Variants in HECW1 observed in about 807,000 individuals in gnomAD.
HECW1 encodes the protein E3 ubiquitin-protein ligase HECW1.
Under a neutral mutation model 182.3 loss-of-function variants are expected in HECW1, and 61 were observed. The observed-to-expected ratio is 0.33, with a 90% CI of 0.27 to 0.41. The LOEUF (loss-of-function observed/expected upper bound fraction) is 0.41, where lower values mean the gene tolerates loss of function less well. HECW1 is among the 10% of genes least tolerant of loss of function. The probability of loss-of-function intolerance (pLI) is 1.00; values close to 1 mark genes in which losing one functional copy is unlikely to be tolerated. For synonymous variants in HECW1, 859 were observed against 832.6 expected (o/e 1.03, Z -0.55); for missense variants, 1,739 against 2,108.9 (o/e 0.82, Z 3.44).
intron 11 of HECW1, among the ~76,000 whole-genome samples, chr7:43,448,135 C>CA (rs1245367583): frequency 1.4e-5 from 2 of 148,104 alleles, no homozygotes; most frequent in Non-Finnish European, 3.0e-5. Flanking sequence ...AACTCTGTCT[C>CA]AAAAAAAAAG....
intron 24 of HECW1, among the ~76,000 whole-genome samples, chr7:43,536,314 C>T (rs1188156043): frequency 6.6e-6 from 1 of 152,212 alleles, no homozygotes; most frequent in African/African-American, 2.4e-5. Context: ...GTCAGAATCT[C>T]CTGGGAGGTT....
At chr7:43,264,146 T>C (rs547363453) in intron 3 of HECW1, among the ~76,000 whole-genome samples, 31 of 152,238 alleles carry the variant, frequency 2.0e-4, no homozygotes, top group Admixed American at 5.2e-4. Flanking sequence ...CAACACCTTA[T>C]TATTAACTAC....
intron 17 of HECW1, among the ~76,000 whole-genome samples, chr7:43,490,808 A>T (rs753690026): frequency 1.8e-4 from 28 of 152,192 alleles, no homozygotes; most frequent in Admixed American, 3.3e-4. Flanking sequence ...CCCAGGCTGG[A>T]GTGCAATGGT....
At chr7:43,274,406 T>G (rs776048799) in intron 3 of HECW1, 33 of 637,604 alleles carry the variant, frequency 5.2e-5, no homozygotes, top group Non-Finnish European at 9.4e-5. Context: ...GTCTGGCTGC[T>G]CTATGACTCC....
intron 3 of HECW1, among the ~76,000 whole-genome samples, chr7:43,265,013 T>A (rs1801622915): frequency 6.6e-6 from 1 of 152,256 alleles, no homozygotes; most frequent in East Asian, 1.9e-4. Flanking sequence ...CAAAAGTATA[T>A]TTTCATATAG....
chr7:43,237,831 T>TCCCCCCCC (rs1554321756), intron 2 of HECW1, among the ~76,000 whole-genome samples: 1 of 139,708 alleles, frequency 7.2e-6, no homozygotes, highest in Admixed American at 6.8e-5. Context: ...TCACCAGTCT[T>TCCCCCCCC]TCCCCCCCGC....
At position 43,166,981 on chromosome 7, in the gene HECW1, C is replaced by T. The variant is rs74328229; in HGVS notation, c.-32+52590C>T. Among the ~76,000 whole-genome samples, 571 of 152,332 alleles carry T rather than the reference C, an allele frequency of 3.7e-3. 15 individuals are homozygous for T. The East Asian group carries it at 0.073, about 20-fold the overall frequency. ...CAGGCTGTAGGCAGCCACTGAATGA[C>T]GCAAGGCAGGCAAGAGGCATGACCA... On this transcript the variant is annotated intron_variant, in intron 2 of 29. Coordinates refer to ENST00000395891, the MANE Select transcript of HECW1 (RefSeq NM_015052.5).
intron 3 of HECW1, 56 bp from the exon 4 acceptor site, chr7:43,311,707 G>T (rs982708956): frequency 2.0e-5 from 30 of 1,518,320 alleles, no homozygotes; most frequent in African/African-American, 2.7e-5. Flanking sequence ...GTGTGATGAC[G>T]GTGACTGAGT....
At chr7:43,525,002 C>T (rs2080700469) in intron 24 of HECW1, among the ~76,000 whole-genome samples, 4 of 152,190 alleles carry the variant, frequency 2.6e-5, no homozygotes, top group African/African-American at 9.7e-5. Flanking sequence ...TATCTTATTT[C>T]AGCATCCTAA....
At chr7:43,329,159 G>A (rs957337773) in intron 5 of HECW1, among the ~76,000 whole-genome samples, 1 of 152,142 alleles carries the variant, frequency 6.6e-6, no homozygotes, top group Admixed American at 6.5e-5. Flanking sequence ...GGGAAGGAAG[G>A]TCTGGGCTCA....
chr7:43,200,405 A>G lies in HECW1; in HGVS notation c.-31-43470A>G, dbSNP rs147149334. ...AATTTTGGCTCATGCATGTCACTCA[A>G]TTAGTCAAATGATCACCTTTTAACA... is the stretch of plus-strand genomic sequence containing the variant. On this transcript the variant is annotated intron_variant, in intron 2 of 29. Coordinates refer to ENST00000395891, the MANE Select transcript of HECW1 (RefSeq NM_015052.5). Among the ~76,000 whole-genome samples, 140 of 152,340 alleles carry G rather than the reference A, an allele frequency of 9.2e-4. 1 individual carries two copies. Among genetic ancestry groups the G allele is most frequent in the African/African-American group, 3.1e-3 (130 of 41,582 alleles).
Position 43,304,185 on chromosome 7 carries a change from G to A in HECW1, c.28-7578G>A, listed in dbSNP as rs141533881. Among the ~76,000 whole-genome samples, 367 of 152,196 alleles carry A rather than the reference G, an allele frequency of 2.4e-3. 5 individuals are homozygous for A. The highest frequency in any genetic ancestry group is 0.012 in the South Asian group (59 of 4,816). ...AGGGCCCAGCAGCAAGTAGAGCTCT[G>A]GATAAAGCTGCCCTGGCCTGTCTCC... On this transcript the variant is annotated intron_variant, in intron 3 of 29. Transcript: ENST00000395891.
chr7:43,439,107 T>G (rs142679130), intron 9 of HECW1: 1 of 152,200 alleles, frequency 6.6e-6, no homozygotes, highest in Non-Finnish European at 1.5e-5. Context: ...CATGCAGTGT[T>G]TGCACTTGCC....
At chr7:43,437,160 T>A (rs890895196) in intron 8 of HECW1, among the ~76,000 whole-genome samples, 1 of 152,236 alleles carries the variant, frequency 6.6e-6, no homozygotes, top group Non-Finnish European at 1.5e-5. Flanking sequence ...CAGTTCAAAG[T>A]ACAAATGAAA....
chr7:43,298,027 G>A (rs1190570222), intron 3 of HECW1, among the ~76,000 whole-genome samples: 1 of 152,176 alleles, frequency 6.6e-6, no homozygotes, highest in Non-Finnish European at 1.5e-5. Flanking sequence ...GAGCTTTAGT[G>A]GCACCACTGA....
chr7:43,264,672 G>A (rs1311555832), intron 3 of HECW1, among the ~76,000 whole-genome samples: 2 of 151,776 alleles, frequency 1.3e-5, no homozygotes, highest in African/African-American at 2.4e-5. Context: ...AGTGAACCCC[G>A]TCTCTACTAA....
At chr7:43,405,361 G>A (rs62458244) in intron 7 of HECW1, among the ~76,000 whole-genome samples, 27,148 of 151,998 alleles carry the variant, frequency 0.18, 2,938 homozygotes, top group African/African-American at 0.29. Flanking sequence ...AGATATACTC[G>A]TGGTATGACT....
intron 16 of HECW1, among the ~76,000 whole-genome samples, chr7:43,470,197 C>T (rs1171826787): frequency 6.6e-6 from 1 of 152,094 alleles, no homozygotes; most frequent in South Asian, 2.1e-4. Flanking sequence ...GGGAGAGTGA[C>T]AATGATTTGT....
At chr7:43,265,041 CA>C (rs1465522000) in intron 3 of HECW1, among the ~76,000 whole-genome samples, 1 of 152,000 alleles carries the variant, frequency 6.6e-6, no homozygotes, top group Non-Finnish European at 1.5e-5. Flanking sequence ...ATTAGGAAAA[CA>C]AAATGGACAG....
Sources: allele counts gnomAD v4.1 joint callset (sites outside exome capture counted in the v4.1 genomes callset), GRCh38; gene constraint gnomAD v4.1.1; transcripts MANE v1.5; gene names NCBI Gene and HGNC (gene_info 2026-07-23, HGNC 2026-07-21).